CUX2: variants seen among roughly 807,000 people sequenced by gnomAD.
CUX2 encodes the protein homeobox protein cut-like 2.
In CUX2, 40 loss-of-function variants were observed where a neutral mutation model predicts 144.8. The ratio of observed to expected loss-of-function variants is 0.28; its 90% CI spans 0.21 to 0.36. The LOEUF is 0.36. CUX2 is among the 10% of genes least tolerant of loss of function. The probability of loss-of-function intolerance (pLI) is 1.00; values close to 1 mark genes in which losing one functional copy is unlikely to be tolerated. For missense variants in CUX2, 1,615 were observed against 1,994.0 expected, an observed-to-expected ratio of 0.81 and a Z score of 3.62; for synonymous variants, 827 against 875.6, an observed-to-expected ratio of 0.94 and a Z score of 0.98.
Position 111,312,649 on chromosome 12 carries a change from G to A in CUX2, c.2002+448G>A, listed in dbSNP as rs532946512. ...CGGGAGGCGGAGGTTGCAGTGAGCC[G>A]AGATCACACCACTGCACTCCAGCCT... On this transcript the variant is annotated intron_variant, in intron 16 of 21. Coordinates refer to ENST00000261726, the MANE Select transcript of CUX2 (RefSeq NM_015267.4). The surrounding 1 kb of genome is among the most constrained non-coding windows in gnomAD (Gnocchi z 4.3). 3.7e-4 allele frequency among the ~76,000 whole-genome samples: 56 copies of A among 150,714 alleles called. 1 individual carries two copies. The highest frequency in any genetic ancestry group is 3.4e-3 in the Middle Eastern group (1 of 294).
In CUX2 at chr12:111,348,127, C is replaced by G; in HGVS notation, c.4263C>G (p.Ser1421=). 1 of 1,614,144 alleles carries G rather than the reference C, an allele frequency of 6.2e-7. No individual in the cohort carries two copies. Among genetic ancestry groups the G allele is most frequent in the Non-Finnish European group, 8.5e-7 (1 of 1,180,008 alleles). The change falls in exon 22 of 22, where the codon TCC becomes TCG. Residue 1421 remains serine, a synonymous_variant. Coordinates refer to ENST00000261726, the MANE Select transcript of CUX2 (RefSeq NM_015267.4). ...SPVPSSSAPI[S]PSPPGAPPAK... is the part of the protein sequence containing the mutation. ...TCCCCTCCTCCTCAGCTCCCATCTC[C>G]CCATCCCCACCTGGCGCCCCCCCTG...
rs146429470 is a variant in CUX2, at chr12:111,107,718, A to G, written c.63+73478A>G. ...CCTGAAATTAAAATTCAAGAGGATG[A>G]AAAGCAAATAAATGAGATAGGGCAG... On this transcript the variant is annotated intron_variant, in intron 1 of 21. Transcript: ENST00000261726. 1.1e-3 allele frequency among the ~76,000 whole-genome samples: 170 copies of G among 152,388 alleles called. 1 individual carries two copies. Among genetic ancestry groups the G allele is most frequent in the African/African-American group, 3.5e-3 (147 of 41,588 alleles).
intron 10 of CUX2, among the ~76,000 whole-genome samples, chr12:111,305,991 T>C (rs988046780): frequency 2.0e-5 from 3 of 152,058 alleles, no homozygotes; most frequent in African/African-American, 7.2e-5. Context: ...GGAGATTCTG[T>C]GTGTGTCCAT....
Position 111,160,523 on chromosome 12 carries a change from T to C in CUX2, c.64-53677T>C, listed in dbSNP as rs1449015896. 2.6e-5 allele frequency among the ~76,000 whole-genome samples: 4 copies of C among 152,080 alleles called. No homozygotes were observed. The highest frequency in any genetic ancestry group is 2.0e-4 in the Admixed American group (3 of 15,264). The stretch of plus-strand genomic sequence containing the variant: ...GGAGGGCCCTTCCTGGTCCAAGAAC[T>C]CGCGTGACCCGGCACAGAGGGGGCG... On this transcript the variant is annotated intron_variant, in intron 1 of 21. Transcript: ENST00000261726. This position sits in a 1 kb window ranked among gnomAD's most constrained non-coding sequence, Gnocchi z 4.1.
At position 111,334,380 on chromosome 12, in the gene CUX2, G is replaced by A. The variant is rs142091963; in HGVS notation, c.2927-61G>A. 2.2e-4 allele frequency: 338 copies of A among 1,506,458 alleles called. 3 individuals are homozygous for A. In the African/African-American group the frequency reaches 3.5e-3, roughly 16 times the overall value. The allele number at this position is 1,506,458 out of a possible 1,614,324, so 93.3% of individuals were successfully genotyped here. The stretch of plus-strand genomic sequence containing the variant: ...CTTGGCTGTAAGAAGCAAGCCTCCC[G>A]AAAGTGGATGTGTCTGTGCCAGATT... On this transcript the variant is annotated intron_variant, in intron 18 of 21. Transcript: ENST00000261726.
At chr12:111,140,201 G>A (rs1016026640) in intron 1 of CUX2, among the ~76,000 whole-genome samples, 2 of 152,136 alleles carry the variant, frequency 1.3e-5, no homozygotes, top group African/African-American at 4.8e-5. Flanking sequence ...AAAAGACTTG[G>A]GGTGAGCTGG....
chr12:111,053,644 C>G (rs1338368570), intron 1 of CUX2, among the ~76,000 whole-genome samples: 1 of 152,260 alleles, frequency 6.6e-6, no homozygotes, highest in South Asian at 2.1e-4. Context: ...GGCCCTGGCC[C>G]TCTTTCCCTG....
chr12:111,331,078 G>A (rs1888101728), intron 18 of CUX2, among the ~76,000 whole-genome samples: 1 of 151,810 alleles, frequency 6.6e-6, no homozygotes, highest in African/African-American at 2.4e-5. Flanking sequence ...TGTTTGTGAA[G>A]GGGAGTGAGG....
intron 1 of CUX2, among the ~76,000 whole-genome samples, chr12:111,116,545 A>G (rs1874317335): frequency 6.6e-6 from 1 of 152,228 alleles, no homozygotes; most frequent in African/African-American, 2.4e-5. Flanking sequence ...TTTAGGAAGA[A>G]CTTTCTGAGA....
rs1164635068 is a variant in CUX2 at position 111,034,686 on chromosome 12, C to CGAGG, written c.63+458_63+461dup. ...AGTCCGCACCCGGCTGGGGCTCCGG[C>CGAGG]GAGGGAGGGAGGGAGCTGGCGGGCA... On this transcript the variant is annotated intron_variant, in intron 1 of 21. Transcript: ENST00000261726. The surrounding 1 kb of genome is among the most constrained non-coding windows in gnomAD (Gnocchi z 4.2). 2.0e-5 allele frequency among the ~76,000 whole-genome samples: 3 copies of CGAGG among 150,826 alleles called. No individual in the cohort carries two copies. Among genetic ancestry groups the CGAGG allele is most frequent in the Non-Finnish European group, 1.5e-5 (1 of 67,642 alleles).
At chr12:111,089,644 C>T (rs547887462) in intron 1 of CUX2, among the ~76,000 whole-genome samples, 1 of 152,286 alleles carries the variant, frequency 6.6e-6, no homozygotes, top group African/African-American at 2.4e-5. Flanking sequence ...GAGGCAGCAT[C>T]GAAGCTGAGA....
chr12:111,041,266 G>A (rs1869730696), intron 1 of CUX2, among the ~76,000 whole-genome samples: 1 of 152,190 alleles, frequency 6.6e-6, no homozygotes, highest in Non-Finnish European at 1.5e-5. Flanking sequence ...ACAGTGTGGG[G>A]CACACAGTTG....
At chr12:111,326,639 C>T (rs528936674) in intron 18 of CUX2, among the ~76,000 whole-genome samples, 4 of 152,100 alleles carry the variant, frequency 2.6e-5, no homozygotes, top group Non-Finnish European at 5.9e-5. Flanking sequence ...CACCGTGGCT[C>T]ACACCTGTAA....
chr12:111,050,320 C>T (rs1870202927), intron 1 of CUX2, among the ~76,000 whole-genome samples: 2 of 152,168 alleles, frequency 1.3e-5, no homozygotes, highest in Non-Finnish European at 2.9e-5. Flanking sequence ...TGTGCCCTGA[C>T]CCTGTGTGAC....
chr12:111,219,080 G>A lies in CUX2; in HGVS notation c.222+1143G>A, dbSNP rs1308623252. ...GCCGTACTCGGATCTCACCAGAGGG[G>A]ATGCATTTTAAGTCTGTCATCCACC... On this transcript the variant is annotated intron_variant, in intron 3 of 21. Coordinates refer to ENST00000261726, the MANE Select transcript of CUX2 (RefSeq NM_015267.4). Among the ~76,000 whole-genome samples, 3 of 152,136 alleles carry A rather than the reference G, an allele frequency of 2.0e-5. No individual in the cohort carries two copies. The South Asian group carries it at 6.2e-4, about 32-fold the overall frequency.
rs189071395 is a variant in CUX2 at position 111,307,795 on chromosome 12, C to T, written c.1110-490C>T. On this transcript the variant is annotated intron_variant, in intron 12 of 21. Transcript: ENST00000261726. This position sits in a 1 kb window ranked among gnomAD's most constrained non-coding sequence, Gnocchi z 4.1. The stretch of plus-strand genomic sequence containing the variant: ...GTCAGGAGTTCAAAACCAGCCTGGC[C>T]GAAAGGGCAAAACCCTGTCTCTACT... Among the ~76,000 whole-genome samples the T allele has an allele frequency of 9.2e-4, 140 of 152,236 alleles. No homozygotes were observed. Among genetic ancestry groups the T allele is most frequent in the Non-Finnish European group, 1.5e-3 (104 of 68,008 alleles).
chr12:111,298,406 C>T (rs1886121776), intron 8 of CUX2, 135 bp from the exon 9 acceptor site: 1 of 862,240 alleles, frequency 1.2e-6, no homozygotes, highest in Non-Finnish European at 1.8e-6. Context: ...CTCTTTTCTC[C>T]CCAGCCCGAT....
intron 3 of CUX2, among the ~76,000 whole-genome samples, chr12:111,243,631 G>A (rs1323212673): frequency 6.7e-6 from 1 of 148,666 alleles, no homozygotes; most frequent in Non-Finnish European, 1.5e-5. Flanking sequence ...AGCCTCCCAA[G>A]TAGCTGGGAC....
intron 1 of CUX2, among the ~76,000 whole-genome samples, chr12:111,096,128 C>T (rs1872799991): frequency 6.6e-6 from 1 of 152,124 alleles, no homozygotes; most frequent in African/African-American, 2.4e-5. Context: ...AGTGTGCCAC[C>T]GAGCCCCCCA....
Sources: allele counts gnomAD v4.1 joint callset (sites outside exome capture counted in the v4.1 genomes callset), GRCh38; gene constraint gnomAD v4.1.1; non-coding constraint Gnocchi (gnomAD v3.1); transcripts MANE v1.5; gene names NCBI Gene and HGNC (gene_info 2026-07-23, HGNC 2026-07-21).